USP34: variants seen among roughly 807,000 people sequenced by gnomAD.
USP34 encodes the protein ubiquitin specific peptidase 34.
In USP34, 70 loss-of-function variants were observed where a neutral mutation model predicts 460.3. The observed-to-expected ratio is 0.15, with a 90% CI of 0.13 to 0.19. The LOEUF (loss-of-function observed/expected upper bound fraction) is 0.19, where lower values mean the gene tolerates loss of function less well. Among genes scored for constraint, USP34 ranks in the 10% least tolerant of loss-of-function variants. The pLI is 1.00. For missense variants in USP34, 3,985 were observed against 4,236.2 expected (o/e 0.94, Z 1.65); for synonymous variants, 1,647 against 1,405.3 (o/e 1.17, Z -3.85).
intron 1 of USP34, among the ~76,000 whole-genome samples, chr2:61,452,479 C>G (rs765564522): frequency 6.6e-6 from 1 of 151,866 alleles, no homozygotes; most frequent in African/African-American, 2.4e-5. Context: ...CATGCATCAC[C>G]ACACCCTACT....
At chr2:61,426,142 T>C (rs1694505645) in intron 1 of USP34, among the ~76,000 whole-genome samples, 1 of 152,172 alleles carries the variant, frequency 6.6e-6, no homozygotes, top group South Asian at 2.1e-4. Flanking sequence ...TGAGACTTGC[T>C]GGCTTCAGTG....
At chr2:61,389,414 CTTTTA>C (rs1445085937) in intron 5 of USP34, among the ~76,000 whole-genome samples, 3 of 152,068 alleles carry the variant, frequency 2.0e-5, no homozygotes, top group African/African-American at 7.2e-5. Flanking sequence ...ATAGTTATAT[CTTTTA>C]TTTTAGAATA....
intron 5 of USP34, among the ~76,000 whole-genome samples, chr2:61,387,182 C>T (rs1252595525): frequency 1.3e-5 from 2 of 151,988 alleles, no homozygotes; most frequent in Non-Finnish European, 2.9e-5. Flanking sequence ...TATAACAGGC[C>T]AGGTGCAGTG....
At chr2:61,391,984 A>C (rs1279281317) in intron 5 of USP34, among the ~76,000 whole-genome samples, 2 of 152,186 alleles carry the variant, frequency 1.3e-5, no homozygotes, top group Non-Finnish European at 2.9e-5. Context: ...AAATAGTATA[A>C]TTTTGCTTTA....
chr2:61,222,963 C>T, intron 64 of USP34, 97 bp downstream of exon 64: 1 of 1,114,164 alleles, frequency 9.0e-7, no homozygotes, highest in Non-Finnish European at 1.3e-6. Context: ...TCCCAAAGTG[C>T]TGGGATTACA....
At position 61,283,130 on chromosome 2, in the gene USP34, C is replaced by A. The variant is rs1278478720; in HGVS notation, c.4998+15G>T. ...TACAAAAAATAACAGTACTAACCTT[C>A]AATCTTTATCTTACCTCAGGAATAA... On this transcript the variant is annotated intron_variant, in intron 37 of 79. Coordinates refer to ENST00000398571, the MANE Select transcript of USP34 (RefSeq NM_014709.4). The A allele has an allele frequency of 6.2e-7, 1 of 1,611,112 alleles. No individual in the cohort carries two copies. The highest frequency in any genetic ancestry group is 1.3e-5 in the African/African-American group (1 of 74,778).
Position 61,339,371 on chromosome 2 carries a change from A to G in USP34, c.2724T>C (p.Leu908=). The G allele has an allele frequency of 6.2e-7, 1 of 1,608,528 alleles. No individual in the cohort carries two copies. ...TTTACCTGTTGTTTCCCAAGTTTTC[A>G]AGGCAACCTTCAATGAATCTCATTC... The part of the protein sequence containing the change: ...QIRMRFIEGC[L]ENLGNNRSVV... Residue 908 remains leucine, a synonymous_variant, in exon 18 of 80, where the codon CTT becomes CTC. Transcript: ENST00000398571.
rs1335942419 is a variant in USP34 at position 61,188,057 on chromosome 2, G to GGGTT, written c.*41_*44dup. On this transcript the variant is annotated 3_prime_UTR_variant, in exon 80 of 80. Transcript: ENST00000398571. ...AGCAAAACTTATACAAACAGCATGG[G>GGGTT]GGTTGGGGGTGAGGGACTTAAAAGT... The GGGTT allele has an allele frequency of 6.4e-7, 1 of 1,571,156 alleles. No individual in the cohort carries two copies. The highest frequency in any genetic ancestry group is 8.6e-7 in the Non-Finnish European group (1 of 1,160,148).
intron 65 of USP34, 109 bp downstream of exon 65, chr2:61,222,510 A>T: frequency 1.3e-6 from 1 of 786,008 alleles, no homozygotes; most frequent in Non-Finnish European, 2.1e-6. Flanking sequence ...TTATTATGTT[A>T]TGGGAGAAAC....
At position 61,425,383 on chromosome 2, in the gene USP34, C is replaced by T. The variant is rs139864896; in HGVS notation, c.44-4550G>A. Among the ~76,000 whole-genome samples, 59 of 152,162 alleles carry T rather than the reference C, an allele frequency of 3.9e-4. 2 individuals are homozygous for T. The East Asian group carries it at 7.7e-3, about 20-fold the overall frequency. On this transcript the variant is annotated intron_variant, in intron 1 of 79. Transcript: ENST00000398571. ...AACAACAGTCCTCAATTAGCAACTA[C>T]GCACACTTCCTGTTCCCCCAGCCAG...
intron 33 of USP34, among the ~76,000 whole-genome samples, chr2:61,290,500 G>A (rs749900812): frequency 6.6e-6 from 1 of 152,042 alleles, no homozygotes; most frequent in Non-Finnish European, 1.5e-5. Flanking sequence ...ATTACTCAGC[G>A]ATGAAAAACA....
In USP34 at chr2:61,301,022, G is replaced by T. The variant is rs1385078769; in HGVS notation, c.4057C>A (p.Leu1353Ile). The T allele has an allele frequency of 6.2e-7, 1 of 1,613,826 alleles. No individual in the cohort carries two copies. Among genetic ancestry groups the T allele is most frequent in the Non-Finnish European group, 8.5e-7 (1 of 1,179,972 alleles). Residue 1353 changes from leucine to isoleucine, a missense_variant, in exon 29 of 80, where the codon CTT becomes ATT. Leu to Ile is a conservative substitution (Grantham distance 5, BLOSUM62 2). Transcript: ENST00000398571. ...LLLQEPHLTT[L>I]FDLLEMLASF... ...GCAAGCATCTCTAATAAATCAAAAA[G>T]AGTAGTTAAATGAGGCTCTTGTAAA... is the stretch of plus-strand genomic sequence containing the variant.
intron 1 of USP34, among the ~76,000 whole-genome samples, chr2:61,442,951 T>C (rs1032334729): frequency 1.4e-4 from 20 of 143,264 alleles, no homozygotes; most frequent in Non-Finnish European, 2.8e-4. Flanking sequence ...ATATTATACA[T>C]CCATTAAAAA....
intron 1 of USP34, among the ~76,000 whole-genome samples, chr2:61,440,170 G>A (rs1340949578): frequency 2.0e-5 from 3 of 152,196 alleles, no homozygotes; most frequent in Non-Finnish European, 4.4e-5. Context: ...AGGGTGGGCT[G>A]CTTGAGTCCT....
At chr2:61,234,523 G>A (rs1027264401) in intron 57 of USP34, among the ~76,000 whole-genome samples, 6 of 152,184 alleles carry the variant, frequency 3.9e-5, no homozygotes, top group Admixed American at 3.9e-4. Context: ...GGGGAAAGAG[G>A]AAGTGACAGA....
chr2:61,192,883 A>G lies in USP34; in HGVS notation c.9588+18T>C. On this transcript the variant is annotated intron_variant, in intron 76 of 79. Transcript: ENST00000398571. ...AGATAAGATTAAAGACCAATCATCT[A>G]AAACTCATTTTCTTTACCTGAGTCT... is the stretch of plus-strand genomic sequence containing the variant. 6.2e-7 allele frequency: 1 copy of G among 1,606,528 alleles called. No individual in the cohort carries two copies. Among genetic ancestry groups the G allele is most frequent in the Non-Finnish European group, 8.5e-7 (1 of 1,174,300 alleles).
At chr2:61,220,480 A>T in intron 66 of USP34, 23 bp from the exon 67 acceptor site, 1 of 1,588,276 alleles carries the variant, frequency 6.3e-7, no homozygotes, top group Non-Finnish European at 8.6e-7. Flanking sequence ...TGACAAGAAC[A>T]GAATATAAGG....
intron 1 of USP34, among the ~76,000 whole-genome samples, chr2:61,424,021 T>C (rs547205818): frequency 4.8e-4 from 73 of 152,230 alleles, no homozygotes; most frequent in Non-Finnish European, 8.5e-4. Flanking sequence ...GGAACCATTG[T>C]GTACTCTTGC....
rs70963416 is a variant in USP34 at position 61,356,475 on chromosome 2, G to GCACACA, written c.1252-5788_1252-5783dup. On this transcript the variant is annotated intron_variant, in intron 10 of 79. Transcript: ENST00000398571. ...ACAGCACTCCAGCCTGGGTGAAAGC[G>GCACACA]CACACACACACACACACACACACAT... is the stretch of plus-strand genomic sequence containing the variant. 5.6e-3 allele frequency among the ~76,000 whole-genome samples: 719 copies of GCACACA among 128,406 alleles called. 2 individuals carry two copies. Among genetic ancestry groups the GCACACA allele is most frequent in the African/African-American group, 0.015 (551 of 37,142 alleles). The allele number at this position is 128,406 out of a possible 152,430, so 84.2% of individuals were successfully genotyped here.
Sources: gnomAD v4.1 joint callset for allele counts (sites outside exome capture counted in the v4.1 genomes callset) on GRCh38, gnomAD v4.1.1 for gene constraint, MANE v1.5 for transcripts, NCBI Gene and HGNC (gene_info 2026-07-23, HGNC 2026-07-21) for gene names.